The following SLC4A5 variants were observed in gnomAD, a reference collection of about 807,000 sequenced individuals.
The protein encoded by SLC4A5 is solute carrier family 4 member 5.
A neutral mutation model predicts 120.4 loss-of-function variants in SLC4A5; 96 were observed. That is an observed-to-expected ratio of 0.80 (90% CI 0.68 to 0.94). The LOEUF is 0.94. Among genes scored for constraint, SLC4A5 ranks in the 40% least tolerant of loss-of-function variants. The pLI is 0.00. For synonymous variants in SLC4A5, 550 were observed against 571.1 expected (o/e 0.96, Z 0.53); for missense variants, 1,259 against 1,459.5 (o/e 0.86, Z 2.24).
chr2:74,245,210 T>C (rs2103965187), intron 19 of SLC4A5, among the ~76,000 whole-genome samples: 1 of 152,128 alleles, frequency 6.6e-6, no homozygotes, highest in African/African-American at 2.4e-5. Context: ...TCCCAGCTAC[T>C]TGGGAGGCTG....
intron 6 of SLC4A5, among the ~76,000 whole-genome samples, chr2:74,311,794 A>G (rs1672812520): frequency 6.6e-6 from 1 of 152,192 alleles, no homozygotes; most frequent in Non-Finnish European, 1.5e-5. Context: ...TGGACGAAGT[A>G]TTCTATAAAT....
rs973886508 is a variant in SLC4A5 at position 74,239,459 on chromosome 2, A to G, written c.2195T>C (p.Leu732Pro). 1.5e-4 allele frequency: 244 copies of G among 1,613,652 alleles called. No homozygotes were observed. Among genetic ancestry groups the G allele is most frequent in the Non-Finnish European group, 2.0e-4 (234 of 1,179,916 alleles). ...GATAAACTTGCAGGAATTCCCAAGC[A>G]GGCGCCCGCCGTAGCTCAGACACTC... The change falls in exon 21 of 31, where the codon CTG becomes CCG. Residue 732 changes from leucine (L) to proline (P), a missense_variant. Transcript: ENST00000394019.
chr2:74,286,455 G>A (rs1671986694), intron 7 of SLC4A5, among the ~76,000 whole-genome samples: 1 of 152,168 alleles, frequency 6.6e-6, no homozygotes, highest in Non-Finnish European at 1.5e-5. Flanking sequence ...GTGTCTCCCA[G>A]GCACCTCAAA....
intron 6 of SLC4A5, chr2:74,307,909 T>C (rs1672695348): frequency 4.0e-6 from 2 of 494,960 alleles, no homozygotes; most frequent in East Asian, 5.0e-5. Context: ...GCATAGACAC[T>C]GGCCACACTG....
In SLC4A5 at chr2:74,235,060, G is replaced by A. The variant is rs763024878; in HGVS notation, c.2433+41C>T. The A allele has an allele frequency of 1.0e-5, 15 of 1,469,236 alleles. No homozygotes were observed. The South Asian group carries it at 1.3e-4, about 12-fold the overall frequency. 91.0% of individuals were successfully genotyped at this position (1,469,236 alleles called of 1,614,324 possible). On this transcript the variant is annotated intron_variant, in intron 22 of 30. Coordinates refer to ENST00000394019, the Ensembl canonical transcript of SLC4A5. ...AGGGGAAAGAATCTGCAGCTGGTAG[G>A]CAGGCAGACTGGATGCCCAGAGCGA...
intron 12 of SLC4A5, among the ~76,000 whole-genome samples, chr2:74,256,491 G>A (rs184983994): frequency 6.6e-6 from 1 of 152,322 alleles, no homozygotes. Flanking sequence ...ATTACCCCCA[G>A]GGGACCTCCC....
intron 7 of SLC4A5, among the ~76,000 whole-genome samples, chr2:74,300,870 C>T (rs1672460125): frequency 6.6e-6 from 1 of 152,234 alleles, no homozygotes; most frequent in South Asian, 2.1e-4. Context: ...TTTCCTGCCC[C>T]TGACCTGCTG....
chr2:74,339,914 C>G (rs577693735), intron 2 of SLC4A5, among the ~76,000 whole-genome samples: 2 of 152,288 alleles, frequency 1.3e-5, no homozygotes, highest in Admixed American at 1.3e-4. Flanking sequence ...AAGGACATCA[C>G]GCTAAGTGAA....
intron 9 of SLC4A5, 60 bp downstream of exon 9, chr2:74,265,044 G>A (rs1483289026): frequency 6.4e-7 from 1 of 1,555,474 alleles, no homozygotes; most frequent in Admixed American, 1.8e-5. Context: ...ATGAGGTCAG[G>A]GGAGCTGCCC....
exon 21 of SLC4A5, chr2:74,239,469 C>G: frequency 6.2e-7 from 1 of 1,614,022 alleles, no homozygotes. Context: ...AGGCGCCCGC[C>G]GTAGCTCAGA....
At chr2:74,227,854 C>T (rs1339326876) in exon 26 of SLC4A5, 4 of 1,610,674 alleles carry the variant, frequency 2.5e-6, no homozygotes, top group Admixed American at 3.4e-5. Context: ...AGGAAGACTC[C>T]GTACAGCACC....
At chr2:74,280,518 G>A (rs907197638) in intron 8 of SLC4A5, among the ~76,000 whole-genome samples, 1 of 152,150 alleles carries the variant, frequency 6.6e-6, no homozygotes, top group East Asian at 1.9e-4. Flanking sequence ...AACCAAGTTT[G>A]TTGATTTCTG....
chr2:74,230,433 T>C (rs75924227), intron 25 of SLC4A5, among the ~76,000 whole-genome samples: 3,194 of 152,212 alleles, frequency 0.021, 100 homozygotes, highest in African/African-American at 0.073. Flanking sequence ...AGCTTCAAGC[T>C]GTGTGGGAAA....
chr2:74,229,328 C>A (rs913498223), intron 25 of SLC4A5, among the ~76,000 whole-genome samples: 1 of 151,440 alleles, frequency 6.6e-6, no homozygotes, highest in Non-Finnish European at 1.5e-5. Flanking sequence ...CGGCTCACTG[C>A]AGCCTCCACC....
At chr2:74,336,118 A>G (rs1170957864) in intron 3 of SLC4A5, among the ~76,000 whole-genome samples, 1 of 152,168 alleles carries the variant, frequency 6.6e-6, no homozygotes, top group African/African-American at 2.4e-5. Flanking sequence ...CCTAGGCTAG[A>G]GTGCAGTGGC....
intron 8 of SLC4A5, among the ~76,000 whole-genome samples, chr2:74,270,524 T>G (rs547417898): frequency 6.6e-6 from 1 of 152,116 alleles, no homozygotes; most frequent in South Asian, 2.1e-4. Context: ...ATACAAAAAA[T>G]TAGCCAGGCG....
intron 4 of SLC4A5, 71 bp downstream of exon 4, chr2:74,333,956 T>G (rs1018943161): frequency 6.6e-6 from 1 of 152,160 alleles, no homozygotes; most frequent in African/African-American, 2.4e-5. Context: ...AAGGATTCAT[T>G]TGGGGGCCCT....
intron 8 of SLC4A5, among the ~76,000 whole-genome samples, chr2:74,272,591 C>T (rs1314583849): frequency 6.6e-6 from 1 of 152,230 alleles, no homozygotes; most frequent in Non-Finnish European, 1.5e-5. Context: ...TTTGCCCAAG[C>T]TTGGGTGTAG....
intron 8 of SLC4A5, among the ~76,000 whole-genome samples, chr2:74,271,690 G>C (rs897866814): frequency 1.1e-4 from 16 of 151,546 alleles, no homozygotes; most frequent in Non-Finnish European, 1.8e-4. Context: ...TTAAATGCTT[G>C]CTCCCTTCTG....
Sources: allele counts gnomAD v4.1 joint callset (sites outside exome capture counted in the v4.1 genomes callset), GRCh38; gene constraint gnomAD v4.1.1; transcripts MANE v1.5; gene names NCBI Gene and HGNC (gene_info 2026-07-23, HGNC 2026-07-21).